CNTN5: variants seen among roughly 807,000 people sequenced by gnomAD.
CNTN5 encodes contactin 5, also known as contactin-5.
In CNTN5, 77 loss-of-function variants were observed where a neutral mutation model predicts 129.1. That is an observed-to-expected ratio of 0.60 (90% CI 0.50 to 0.72). CNTN5 has a LOEUF of 0.72. CNTN5 is among the 30% of genes least tolerant of loss of function. The pLI, the probability that CNTN5 is intolerant of heterozygous loss-of-function variation, is 0.00. For missense variants in CNTN5, 1,478 were observed against 1,328.8 expected, an observed-to-expected ratio of 1.11 and a Z score of -1.75; for synonymous variants, 509 against 465.6, an observed-to-expected ratio of 1.09 and a Z score of -1.20.
intron 13 of CNTN5, among the ~76,000 whole-genome samples, chr11:100,082,966 A>G (rs1180426786): frequency 6.6e-6 from 1 of 152,094 alleles, no homozygotes; most frequent in Non-Finnish European, 1.5e-5. Context: ...GAAACTAACA[A>G]GCAAAGTAGA....
intron 13 of CNTN5, among the ~76,000 whole-genome samples, chr11:100,080,122 A>G (rs1460009415): frequency 6.6e-6 from 1 of 152,168 alleles, no homozygotes; most frequent in Non-Finnish European, 1.5e-5. Context: ...AATGTCATAT[A>G]TGTTTAAAAT....
chr11:99,897,105 T>C (rs770126035), intron 6 of CNTN5, among the ~76,000 whole-genome samples: 10 of 152,128 alleles, frequency 6.6e-5, no homozygotes, highest in Non-Finnish European at 1.3e-4. Context: ...CCCAGTCAGT[T>C]GCAAATAAAG....
intron 3 of CNTN5, among the ~76,000 whole-genome samples, chr11:99,787,943 T>C (rs1427578129): frequency 6.6e-6 from 1 of 151,988 alleles, no homozygotes; most frequent in Non-Finnish European, 1.5e-5. Context: ...TTTCTTTAAT[T>C]ATAATGCCAT....
At chr11:100,318,252 A>C (rs1248836199) in intron 21 of CNTN5, among the ~76,000 whole-genome samples, 2 of 151,656 alleles carry the variant, frequency 1.3e-5, no homozygotes, top group East Asian at 3.9e-4. Flanking sequence ...GAAAAAAAAA[A>C]AAAAAAAAAA....
chr11:99,585,509 A>T (rs1010188357), intron 3 of CNTN5, among the ~76,000 whole-genome samples: 1 of 152,116 alleles, frequency 6.6e-6, no homozygotes. Flanking sequence ...AAATATATAT[A>T]TTTAGGTTAA....
chr11:99,408,456 A>AAGAAAGAAAGAAAG (rs1565557971), intron 2 of CNTN5, among the ~76,000 whole-genome samples: 19 of 124,140 alleles, frequency 1.5e-4, no homozygotes, highest in East Asian at 2.4e-4. Context: ...AAGAGAAAGA[A>AAGAAAGAAAGAAAG]AGAAAGAAAG....
At chr11:99,211,671 C>T (rs1249056580) in intron 1 of CNTN5, among the ~76,000 whole-genome samples, 1 of 151,558 alleles carries the variant, frequency 6.6e-6, no homozygotes, top group East Asian at 1.9e-4. Flanking sequence ...CAAAAACTTC[C>T]TTACCCTTTT....
At chr11:99,579,338 T>G (rs1949486206) in intron 3 of CNTN5, among the ~76,000 whole-genome samples, 1 of 151,340 alleles carries the variant, frequency 6.6e-6, no homozygotes, top group Admixed American at 6.6e-5. Context: ...CATATGAACT[T>G]TAAAGTAGTT....
chr11:100,201,290 C>T (rs1948772238), intron 15 of CNTN5, among the ~76,000 whole-genome samples: 1 of 151,788 alleles, frequency 6.6e-6, no homozygotes, highest in African/African-American at 2.4e-5. Flanking sequence ...ATCAATGGCT[C>T]CTGGCTTTAA....
intron 1 of CNTN5, among the ~76,000 whole-genome samples, chr11:99,296,566 T>C (rs1864399007): frequency 6.6e-6 from 1 of 152,168 alleles, no homozygotes. Context: ...TTTATAAATA[T>C]TTAAATGGCT....
At chr11:99,219,381 A>C (rs1418874674) in intron 1 of CNTN5, among the ~76,000 whole-genome samples, 1 of 151,906 alleles carries the variant, frequency 6.6e-6, no homozygotes, top group Non-Finnish European at 1.5e-5. Flanking sequence ...ATTGGGATAG[A>C]CTTCTCAAGC....
chr11:99,785,223 T>C (rs10893890), intron 3 of CNTN5, among the ~76,000 whole-genome samples: 24,479 of 152,166 alleles, frequency 0.16, 2,107 homozygotes, highest in Non-Finnish European at 0.18. Context: ...AATGTCTGTT[T>C]GTATCCTTCG....
chr11:100,003,002 A>G (rs1939969657), intron 9 of CNTN5, among the ~76,000 whole-genome samples: 1 of 152,158 alleles, frequency 6.6e-6, no homozygotes, highest in African/African-American at 2.4e-5. Flanking sequence ...AAAGCCAGAT[A>G]CACAAGTGTG....
chr11:99,581,332 T>C (rs1175153191), intron 3 of CNTN5, among the ~76,000 whole-genome samples: 1 of 148,196 alleles, frequency 6.7e-6, no homozygotes, highest in Admixed American at 6.7e-5. Context: ...GAGAGTTCTG[T>C]AGATGTCTAT....
chr11:100,351,532 G>A (rs373745346), intron 24 of CNTN5, among the ~76,000 whole-genome samples: 2 of 150,840 alleles, frequency 1.3e-5, no homozygotes, highest in East Asian at 2.0e-4. Context: ...CAAAACCTGC[G>A]TATGATTGTC....
At chr11:99,196,581 C>T (rs1484944411) in intron 1 of CNTN5, among the ~76,000 whole-genome samples, 2 of 151,882 alleles carry the variant, frequency 1.3e-5, no homozygotes. Context: ...TATTTTTCCA[C>T]TACATTGAAG....
At chr11:100,026,002 G>T (rs907867873) in intron 9 of CNTN5, among the ~76,000 whole-genome samples, 2 of 152,120 alleles carry the variant, frequency 1.3e-5, no homozygotes, top group Non-Finnish European at 2.9e-5. Context: ...ATGTGAAAGG[G>T]ATATGAGATT....
chr11:100,093,400 A>G (rs1003989185), intron 13 of CNTN5, among the ~76,000 whole-genome samples: 8 of 152,052 alleles, frequency 5.3e-5, no homozygotes, highest in Non-Finnish European at 7.4e-5. Flanking sequence ...AGTGGGGACT[A>G]CAGGTGTGTG....
intron 15 of CNTN5, among the ~76,000 whole-genome samples, chr11:100,214,790 G>T (rs766950430): frequency 2.8e-4 from 43 of 152,246 alleles, no homozygotes; most frequent in Middle Eastern, 6.8e-3. Flanking sequence ...GTTATTCTCT[G>T]CTGTACAAGT....
Sources: allele counts gnomAD v4.1 joint callset (sites outside exome capture counted in the v4.1 genomes callset), GRCh38; gene constraint gnomAD v4.1.1; transcripts MANE v1.5; gene names NCBI Gene and HGNC (gene_info 2026-07-23, HGNC 2026-07-21).